The following AFF3 variants were observed in gnomAD, a reference collection of about 807,000 sequenced individuals.
The protein encoded by AFF3 is ALF transcription elongation factor 3.
AFF3 carries 32 observed loss-of-function variants against 129.7 expected under a neutral mutation model. The observed-to-expected ratio is 0.25, with a 90% CI of 0.19 to 0.33. The LOEUF is 0.33. AFF3 is among the 10% of genes least tolerant of loss of function. The pLI is 1.00. For missense variants in AFF3, 1,373 were observed against 1,592.0 expected (o/e 0.86, Z 2.34); for synonymous variants, 644 against 635.4 (o/e 1.01, Z -0.20).
intron 12 of AFF3, among the ~76,000 whole-genome samples, chr2:99,653,016 G>T (rs2105658225): frequency 6.6e-6 from 1 of 152,280 alleles, no homozygotes; most frequent in African/African-American, 2.4e-5. Flanking sequence ...CCTCTCCTGT[G>T]CTCTTCCATG....
intron 22 of AFF3, among the ~76,000 whole-genome samples, chr2:99,558,123 C>A (rs1009509022): frequency 6.6e-6 from 1 of 152,192 alleles, no homozygotes; most frequent in African/African-American, 2.4e-5. Context: ...TGAGTTCTAA[C>A]AAGCCATCTC....
chr2:99,628,738 T>TTTTTTTTTGG (rs1682841620), intron 13 of AFF3, among the ~76,000 whole-genome samples: 13 of 148,218 alleles, frequency 8.8e-5, no homozygotes, highest in Non-Finnish European at 1.0e-4. Flanking sequence ...TTTTTTTTTT[T>TTTTTTTTTGG]GAGACAGAGT....
intron 10 of AFF3, among the ~76,000 whole-genome samples, chr2:99,740,982 G>T (rs1376984404): frequency 6.6e-6 from 1 of 152,106 alleles, no homozygotes; most frequent in Non-Finnish European, 1.5e-5. Context: ...TTTTGTATAA[G>T]GTGTAAGGAA....
chr2:99,868,999 C>T (rs1302711189), intron 7 of AFF3, among the ~76,000 whole-genome samples: 4 of 151,328 alleles, frequency 2.6e-5, no homozygotes, highest in African/African-American at 4.8e-5. Context: ...CTTTGTTGCC[C>T]TGGCTGGTCT....
chr2:99,715,769 T>A (rs1678319826), intron 11 of AFF3, among the ~76,000 whole-genome samples: 1 of 151,986 alleles, frequency 6.6e-6, no homozygotes, highest in Non-Finnish European at 1.5e-5. Flanking sequence ...CCTCCCAGGT[T>A]CACGCCGTTC....
chr2:100,119,037 G>A (rs1691845103), intron 2 of AFF3, among the ~76,000 whole-genome samples: 1 of 152,146 alleles, frequency 6.6e-6, no homozygotes, highest in Non-Finnish European at 1.5e-5. Context: ...CCTGACCTCA[G>A]GTGATCCGCA....
Position 99,675,901 on chromosome 2 carries a change from C to CA in AFF3, c.1092-3313dup, listed in dbSNP as rs201378968. On this transcript the variant is annotated intron_variant, in intron 11 of 24. Coordinates refer to ENST00000672756, the MANE Select transcript of AFF3 (RefSeq NM_001386135.1). ...GTATATCAAACAATAAATAAACAAA[C>CA]AAAAGTGTTCAACCAAGAGTAAAAG... Among the ~76,000 whole-genome samples the CA allele has an allele frequency of 1.6e-4, 25 of 151,744 alleles. 1 individual carries two copies. In the East Asian group the frequency reaches 4.8e-3, roughly 29 times the overall value.
At chr2:99,644,798 G>A (rs1039151880) in intron 13 of AFF3, among the ~76,000 whole-genome samples, 1 of 152,064 alleles carries the variant, frequency 6.6e-6, no homozygotes, top group East Asian at 1.9e-4. Context: ...TCTTCCTAAC[G>A]GCACTTTGCA....
At chr2:99,572,473 T>C (rs1676594009) in intron 18 of AFF3, 2 of 400,534 alleles carry the variant, frequency 5.0e-6, no homozygotes, top group African/African-American at 2.1e-5. Flanking sequence ...CTTTCTGTAA[T>C]TCCTACCTCT....
At chr2:99,842,541 A>G (rs1689394909) in intron 7 of AFF3, among the ~76,000 whole-genome samples, 1 of 152,152 alleles carries the variant, frequency 6.6e-6, no homozygotes, top group African/African-American at 2.4e-5. Flanking sequence ...TTTTCCTATC[A>G]TTACATTTTG....
chr2:99,824,839 C>T (rs1044059609), intron 8 of AFF3, among the ~76,000 whole-genome samples: 3 of 152,094 alleles, frequency 2.0e-5, no homozygotes, highest in African/African-American at 7.2e-5. Flanking sequence ...TTCTGAGGTA[C>T]AAGTGGGCCC....
intron 19 of AFF3, among the ~76,000 whole-genome samples, chr2:99,566,455 GGAGGATCACTC>G (rs1430977178): frequency 6.6e-6 from 1 of 152,178 alleles, no homozygotes; most frequent in African/African-American, 2.4e-5. Context: ...AGGTGAGGCA[GGAGGATCACTC>G]GAGCCTGGAA....
At chr2:100,102,343 C>T (rs1198595683) in intron 4 of AFF3, among the ~76,000 whole-genome samples, 6 of 151,042 alleles carry the variant, frequency 4.0e-5, no homozygotes, top group African/African-American at 1.5e-4. Context: ...ATCTGCAAAA[C>T]TAGAAACCCT....
At chr2:99,743,188 C>T (rs1680859869) in intron 10 of AFF3, among the ~76,000 whole-genome samples, 1 of 152,202 alleles carries the variant, frequency 6.6e-6, no homozygotes. Context: ...GTGATATTGC[C>T]TCCGCACCAC....
chr2:99,599,204 T>G (rs540568121), intron 14 of AFF3, among the ~76,000 whole-genome samples: 14 of 152,352 alleles, frequency 9.2e-5, no homozygotes, highest in Admixed American at 8.5e-4. Context: ...ATTATCTCAG[T>G]GACATTTAGA....
intron 8 of AFF3, among the ~76,000 whole-genome samples, chr2:99,796,813 A>G (rs1685584748): frequency 6.6e-6 from 1 of 152,212 alleles, no homozygotes; most frequent in Admixed American, 6.5e-5. Context: ...GGCCAGGAAC[A>G]GAAATTGTGC....
chr2:99,714,653 T>A (rs1678210621), intron 11 of AFF3, among the ~76,000 whole-genome samples: 1 of 152,118 alleles, frequency 6.6e-6, no homozygotes. Flanking sequence ...GAAAAGAAAA[T>A]CTTTTGGTAA....
chr2:99,644,309 G>A (rs563762023), intron 13 of AFF3, among the ~76,000 whole-genome samples: 7 of 152,166 alleles, frequency 4.6e-5, no homozygotes, highest in African/African-American at 1.2e-4. Context: ...AAGTGCCATC[G>A]CTTCAACAAC....
chr2:99,925,797 A>C (rs905896871), intron 7 of AFF3, among the ~76,000 whole-genome samples: 2 of 152,222 alleles, frequency 1.3e-5, no homozygotes, highest in African/African-American at 4.8e-5. Context: ...ACATGGGCTC[A>C]GCACAGAGGA....
Sources: gnomAD v4.1 joint callset for allele counts (sites outside exome capture counted in the v4.1 genomes callset) on GRCh38, gnomAD v4.1.1 for gene constraint, MANE v1.5 for transcripts, NCBI Gene and HGNC (gene_info 2026-07-23, HGNC 2026-07-21) for gene names.